The following KCNQ1OT1 variants were observed in gnomAD, a reference collection of about 807,000 sequenced individuals.
KCNQ1OT1 encodes KCNQ1 opposite strand/antisense transcript 1, also known as KCNQ1 antisense RNA 2 (non-protein coding).
In KCNQ1OT1 at chr11:2,652,789, G is replaced by C. The variant is rs556025609; in HGVS notation, n.47206C>G. The C allele has an allele frequency of 2.0e-5, 8 of 399,054 alleles. No individual in the cohort carries two copies. Among genetic ancestry groups the C allele is most frequent in the Non-Finnish European group, 3.5e-5 (8 of 226,532 alleles). The allele number at this position is 399,054 out of a possible 1,614,324, so 24.7% of individuals were successfully genotyped here. On this transcript the variant is annotated non_coding_transcript_exon_variant, in exon 1 of 1. Coordinates refer to ENST00000597346, the Ensembl canonical transcript of KCNQ1OT1. This position sits in a 1 kb window ranked among gnomAD's most constrained non-coding sequence, Gnocchi z 5.9. Reference sequence around the variant, plus strand: ...TCTTCCTCAGCGCCCCCGCTACTCAGACCCCACCCTTGGGCCTGCAGAGAC... The same window carrying C: ...TCTTCCTCAGCGCCCCCGCTACTCACACCCCACCCTTGGGCCTGCAGAGAC...
exon 1 of KCNQ1OT1, chr11:2,688,869 T>C: frequency 2.5e-6 from 1 of 398,984 alleles, no homozygotes; most frequent in Non-Finnish European, 4.4e-6. Context: ...CCAGAGGTCA[T>C]GCAGCAAGGT....
At chr11:2,649,316 G>A in exon 1 of KCNQ1OT1, 1 of 397,846 alleles carries the variant, frequency 2.5e-6, no homozygotes, top group Non-Finnish European at 4.4e-6. Flanking sequence ...CAATTTTTTG[G>A]TTTTCTGTAG....
At chr11:2,656,229 T>C (rs1006224648) in exon 1 of KCNQ1OT1, 47 of 398,690 alleles carry the variant, frequency 1.2e-4, no homozygotes, top group African/African-American at 9.2e-4. Context: ...TTTAGCTCTG[T>C]CACTTGACAA....
At position 2,642,194 on chromosome 11, in the gene KCNQ1OT1, T is replaced by TAG. The variant is rs1267449846; in HGVS notation, n.57799_57800dup. ...TTTGAGAGAGACTGCATTGAATCTG[T>TAG]AGATTGCTTTGGGTAGTATGGTCAT... On this transcript the variant is annotated non_coding_transcript_exon_variant, in exon 1 of 1. Coordinates refer to ENST00000597346, the Ensembl canonical transcript of KCNQ1OT1. The surrounding 1 kb of genome is among the most constrained non-coding windows in gnomAD (Gnocchi z 4.3). The TAG allele has an allele frequency of 2.5e-6, 1 of 398,352 alleles. No individual in the cohort carries two copies. The highest frequency in any genetic ancestry group is 2.1e-5 in the African/African-American group (1 of 48,632). 24.7% of individuals were successfully genotyped at this position (398,352 alleles called of 1,614,324 possible).
At chr11:2,632,328 A>T (rs1285552389) in exon 1 of KCNQ1OT1, 15 of 398,370 alleles carry the variant, frequency 3.8e-5, no homozygotes, top group Non-Finnish European at 5.8e-5. Context: ...AACAAACATA[A>T]TTTTAATTCT....
exon 1 of KCNQ1OT1, chr11:2,616,144 A>T: frequency 2.5e-6 from 1 of 397,548 alleles, no homozygotes; most frequent in Non-Finnish European, 4.4e-6. Context: ...ACAGTTATTC[A>T]TAGTATTCTT....
chr11:2,610,183 G>C (rs1190931346), exon 1 of KCNQ1OT1: 1 of 397,268 alleles, frequency 2.5e-6, no homozygotes, highest in Non-Finnish European at 4.4e-6. Flanking sequence ...TTTGTTATTA[G>C]TGTTTGCTCT....
At position 2,676,176 on chromosome 11, in the gene KCNQ1OT1, T is replaced by G. The variant is rs1590025230; in HGVS notation, n.23819A>C. On this transcript the variant is annotated non_coding_transcript_exon_variant, in exon 1 of 1. Coordinates refer to ENST00000597346, the Ensembl canonical transcript of KCNQ1OT1. This position sits in a 1 kb window ranked among gnomAD's most constrained non-coding sequence, Gnocchi z 4.2. Reference sequence around the variant, plus strand: ...TATTTTTCTACACTTTGCCTTTGACTTCTTCCATAGGTATGCCATACTTCT... The same window carrying G: ...TATTTTTCTACACTTTGCCTTTGACGTCTTCCATAGGTATGCCATACTTCT... 1 of 398,680 alleles carries G rather than the reference T, an allele frequency of 2.5e-6. No individual in the cohort carries two copies. Among genetic ancestry groups the G allele is most frequent in the Non-Finnish European group, 4.4e-6 (1 of 226,074 alleles). The allele number at this position is 398,680 out of a possible 1,614,324, so 24.7% of individuals were successfully genotyped here.
At chr11:2,666,962 C>A (rs1172592398) in exon 1 of KCNQ1OT1, 8 of 398,596 alleles carry the variant, frequency 2.0e-5, no homozygotes, top group Non-Finnish European at 2.2e-5. Context: ...CCAAGGAAGC[C>A]CTCTGGGGGC....
exon 1 of KCNQ1OT1, chr11:2,629,142 A>AT: frequency 2.5e-6 from 1 of 398,292 alleles, no homozygotes; most frequent in East Asian, 3.6e-5. Flanking sequence ...GTCACTGGAA[A>AT]TTTGATAGGC....
exon 1 of KCNQ1OT1, chr11:2,688,400 T>A (rs1008432987): frequency 5.0e-6 from 2 of 398,650 alleles, no homozygotes; most frequent in African/African-American, 2.1e-5. Context: ...CATCCTTTGC[T>A]GATCCTCTGT....
In KCNQ1OT1 at chr11:2,691,754, A is replaced by AG. The variant is rs1163051939; in HGVS notation, n.8240dup. On this transcript the variant is annotated non_coding_transcript_exon_variant, in exon 1 of 1. Coordinates refer to ENST00000597346, the Ensembl canonical transcript of KCNQ1OT1. The surrounding 1 kb of genome is among the most constrained non-coding windows in gnomAD (Gnocchi z 6.4). The stretch of plus-strand genomic sequence containing the variant: ...CCACACAGGCAGGGGACATTCCACT[A>AG]GGGCCATTTGCAGGCCAGTGGCCAT... 5.0e-6 allele frequency: 2 copies of AG among 398,562 alleles called. No homozygotes were observed. Among genetic ancestry groups the AG allele is most frequent in the African/African-American group, 4.1e-5 (2 of 48,590 alleles). The allele number at this position is 398,562 out of a possible 1,614,324, so 24.7% of individuals were successfully genotyped here.
In KCNQ1OT1 at chr11:2,664,226, G is replaced by T. The variant is rs139142869; in HGVS notation, n.35769C>A. 8.5e-5 allele frequency: 34 copies of T among 398,980 alleles called. No individual in the cohort carries two copies. The Admixed American group carries it at 1.1e-3, about 13-fold the overall frequency. 24.7% of individuals were successfully genotyped at this position (398,980 alleles called of 1,614,324 possible). A position where few individuals can be genotyped will look rare whatever the true frequency, so the allele number is the denominator to read the frequency against. ...AAGGAGCCCAGGCATGGGGCTTGGG[G>T]TGAGGGATCTGAAGAGGGGACTGGG... On this transcript the variant is annotated non_coding_transcript_exon_variant, in exon 1 of 1. Coordinates refer to ENST00000597346, the Ensembl canonical transcript of KCNQ1OT1. This position sits in a 1 kb window ranked among gnomAD's most constrained non-coding sequence, Gnocchi z 5.1.
In KCNQ1OT1 at chr11:2,611,399, A is replaced by C; in HGVS notation, n.88596T>G. On this transcript the variant is annotated non_coding_transcript_exon_variant, in exon 1 of 1. Coordinates refer to ENST00000597346, the Ensembl canonical transcript of KCNQ1OT1. This position sits in a 1 kb window ranked among gnomAD's most constrained non-coding sequence, Gnocchi z 5.3. The stretch of plus-strand genomic sequence containing the variant: ...CATACCCAGCTAATTTTTAGTAGAG[A>C]CAGAGTTTCACCATGTTGACCAGGC... 1 of 397,398 alleles carries C rather than the reference A, an allele frequency of 2.5e-6. No individual in the cohort carries two copies. Among genetic ancestry groups the C allele is most frequent in the South Asian group, 1.4e-4 (1 of 6,992 alleles). The allele number at this position is 397,398 out of a possible 1,614,324, so 24.6% of individuals were successfully genotyped here.
chr11:2,612,793 CT>C lies in KCNQ1OT1; in HGVS notation n.87201del, dbSNP rs1215662452. 1 of 398,364 alleles carries C rather than the reference CT, an allele frequency of 2.5e-6. No homozygotes were observed. Among genetic ancestry groups the C allele is most frequent in the African/African-American group, 2.1e-5 (1 of 48,600 alleles). 24.7% of individuals were successfully genotyped at this position (398,364 alleles called of 1,614,324 possible). A position where few individuals can be genotyped will look rare whatever the true frequency, so the allele number is the denominator to read the frequency against. On this transcript the variant is annotated non_coding_transcript_exon_variant, in exon 1 of 1. Transcript: ENST00000597346. This position sits in a 1 kb window ranked among gnomAD's most constrained non-coding sequence, Gnocchi z 5.5. ...GTTCAAGGGTCACAATTTTCTGTTTCTTTGCATATCTCATTTTTTTTGTTAA... is the reference window on the plus strand; with the variant it reads ...GTTCAAGGGTCACAATTTTCTGTTTCTTGCATATCTCATTTTTTTTGTTAA...
chr11:2,650,399 T>A (rs1849739064), exon 1 of KCNQ1OT1: 1 of 398,488 alleles, frequency 2.5e-6, no homozygotes, highest in African/African-American at 2.1e-5. Context: ...TTTTATGGAG[T>A]AGCCTTAGTA....
chr11:2,661,935 G>A lies in KCNQ1OT1; in HGVS notation n.38060C>T, dbSNP rs749956246. 36 of 1,613,950 alleles carry A rather than the reference G, an allele frequency of 2.2e-5. No individual in the cohort carries two copies. The highest frequency in any genetic ancestry group is 1.1e-4 in the East Asian group (5 of 44,884). On this transcript the variant is annotated non_coding_transcript_exon_variant, in exon 1 of 1. Coordinates refer to ENST00000597346, the Ensembl canonical transcript of KCNQ1OT1. This position sits in a 1 kb window ranked among gnomAD's most constrained non-coding sequence, Gnocchi z 5.9. ...TGGCAGGTTGGGTGGGAGGCCTAAC[G>A]TGCTGTCCCCACACTTTCTCCTCAG...
At position 2,644,016 on chromosome 11, in the gene KCNQ1OT1, C is replaced by T. The variant is rs76483719; in HGVS notation, n.55979G>A. On this transcript the variant is annotated non_coding_transcript_exon_variant, in exon 1 of 1. Transcript: ENST00000597346. ...TAAGTGTCTACAACCTCTTTTATCGCTGGTTTTATGATTCTCTCTTTGTCT... is the reference window on the plus strand; with the variant it reads ...TAAGTGTCTACAACCTCTTTTATCGTTGGTTTTATGATTCTCTCTTTGTCT... 1,855 of 398,494 alleles carry T rather than the reference C, an allele frequency of 4.7e-3. 16 individuals carry two copies. Among genetic ancestry groups the T allele is most frequent in the Middle Eastern group, 6.9e-3 (11 of 1,586 alleles). 24.7% of individuals were successfully genotyped at this position (398,494 alleles called of 1,614,324 possible). A position where few individuals can be genotyped will look rare whatever the true frequency, so the allele number is the denominator to read the frequency against.
rs1849909874 is a variant in KCNQ1OT1, at chr11:2,659,350, A to G, written n.40645T>C. 1.0e-5 allele frequency: 4 copies of G among 398,506 alleles called. No homozygotes were observed. Among genetic ancestry groups the G allele is most frequent in the South Asian group, 1.3e-4 (1 of 7,870 alleles). 24.7% of individuals were successfully genotyped at this position (398,506 alleles called of 1,614,324 possible). On this transcript the variant is annotated non_coding_transcript_exon_variant, in exon 1 of 1. Transcript: ENST00000597346. The surrounding 1 kb of genome is among the most constrained non-coding windows in gnomAD (Gnocchi z 4.3). ...TAGAATGTCCTATAAATGGGATCCT[A>G]TAATATGTATTCTTTTGCATCTGGC...
Sources: gnomAD v4.1 joint callset for allele counts on GRCh38, gnomAD v4.1.1 for gene constraint, Gnocchi (gnomAD v3.1) non-coding constraint, MANE v1.5 for transcripts, NCBI Gene and HGNC (gene_info 2026-07-23, HGNC 2026-07-21) for gene names.